The following C15orf61 variants were observed in gnomAD, a reference collection of about 807,000 sequenced individuals.
C15orf61 encodes chromosome 15 open reading frame 61.
A neutral mutation model predicts 13.7 loss-of-function variants in C15orf61; 12 were observed. That is an observed-to-expected ratio of 0.88 (90% CI 0.56 to 1.42). The LOEUF (loss-of-function observed/expected upper bound fraction) is 1.42. C15orf61 is among the 40% of genes most tolerant of loss of function. C15orf61 has a pLI of 0.00. For missense variants in C15orf61, 248 were observed against 213.2 expected (o/e 1.16, Z -1.02); for synonymous variants, 92 against 94.1 (o/e 0.98, Z 0.13).
At position 67,521,239 on chromosome 15, in the gene C15orf61, G is replaced by A. The variant is rs2084156919; in HGVS notation, c.-10G>A. ...GCGGACACCAGCCTGCGTCCCCGGC[G>A]CGGCGGGCCATGGAGGCCCTGAGGA... On this transcript the variant is annotated 5_prime_UTR_variant, in exon 1 of 2. Coordinates refer to ENST00000342683, the MANE Select transcript of C15orf61 (RefSeq NM_001143936.2). 1 of 1,225,580 alleles carries A rather than the reference G, an allele frequency of 8.2e-7. No homozygotes were observed. Among genetic ancestry groups the A allele is most frequent in the African/African-American group, 1.6e-5 (1 of 63,954 alleles). The allele number at this position is 1,225,580 out of a possible 1,614,324, so 75.9% of individuals were successfully genotyped here. A position where few individuals can be genotyped will look rare whatever the true frequency, so the allele number is the denominator to read the frequency against.
Position 67,528,615 on chromosome 15 carries a change from G to A in C15orf61, c.*2070G>A, listed in dbSNP as rs2084211584. On this transcript the variant is annotated 3_prime_UTR_variant, in exon 2 of 2. Coordinates refer to ENST00000342683, the MANE Select transcript of C15orf61 (RefSeq NM_001143936.2). ...TTCCCATTGAACAGCAATGGTTTAAGTTTTTTCTTTAAAGCTGCATATTAC... is the reference window on the plus strand; with the variant it reads ...TTCCCATTGAACAGCAATGGTTTAAATTTTTTCTTTAAAGCTGCATATTAC... The A allele has an allele frequency of 6.6e-6, 1 of 152,240 alleles. No individual in the cohort carries two copies. The highest frequency in any genetic ancestry group is 1.9e-4 in the East Asian group (1 of 5,176). The allele number at this position is 152,240 out of a possible 1,614,324, so 9.4% of individuals were successfully genotyped here. A position where few individuals can be genotyped will look rare whatever the true frequency, so the allele number is the denominator to read the frequency against.
chr15:67,523,388 C>A (rs1596528645), intron 1 of C15orf61, among the ~76,000 whole-genome samples: 1 of 152,220 alleles, frequency 6.6e-6, no homozygotes, highest in Middle Eastern at 3.4e-3. Context: ...TGTTCCTCTT[C>A]TTCCCTTCCA....
At position 67,521,248 on chromosome 15, in the gene C15orf61, C is replaced by T; in HGVS notation, c.-1C>T. 1.1e-5 allele frequency: 14 copies of T among 1,262,602 alleles called. No individual in the cohort carries two copies. The highest frequency in any genetic ancestry group is 1.4e-5 in the Non-Finnish European group (14 of 1,003,462). 78.2% of individuals were successfully genotyped at this position (1,262,602 alleles called of 1,614,324 possible). A position where few individuals can be genotyped will look rare whatever the true frequency, so the allele number is the denominator to read the frequency against. ...AGCCTGCGTCCCCGGCGCGGCGGGC[C>T]ATGGAGGCCCTGAGGAGGGCCCACG... On this transcript the variant is annotated 5_prime_UTR_variant, in exon 1 of 2. Coordinates refer to ENST00000342683, the MANE Select transcript of C15orf61 (RefSeq NM_001143936.2).
intron 1 of C15orf61, chr15:67,522,300 A>G (rs763569172): frequency 6.4e-5 from 44 of 688,646 alleles, no homozygotes; most frequent in Non-Finnish European, 9.2e-5. Flanking sequence ...GAAGGCCTCA[A>G]GATGTTTTGA....
intron 1 of C15orf61, among the ~76,000 whole-genome samples, chr15:67,524,336 G>A (rs1036759191): frequency 1.9e-4 from 28 of 151,048 alleles, no homozygotes; most frequent in African/African-American, 6.8e-4. Context: ...TCTCATTTCT[G>A]CCTAGCTTGT....
At chr15:67,522,687 T>G (rs984840949) in intron 1 of C15orf61, among the ~76,000 whole-genome samples, 9 of 152,300 alleles carry the variant, frequency 5.9e-5, no homozygotes, top group African/African-American at 1.9e-4. Flanking sequence ...GTGAGGTGAC[T>G]TAGGAAATTC....
chr15:67,521,740 C>CTTTG, intron 1 of C15orf61, 146 bp downstream of exon 1: 1 of 834,846 alleles, frequency 1.2e-6, no homozygotes, highest in Non-Finnish European at 1.8e-6. Context: ...GCCTGGGGTC[C>CTTTG]TTTGTACTCC....
Position 67,525,394 on chromosome 15 carries a change from T to C in C15orf61, c.347-1024T>C, listed in dbSNP as rs551658153. On this transcript the variant is annotated intron_variant, in intron 1 of 1. Coordinates refer to ENST00000342683, the MANE Select transcript of C15orf61 (RefSeq NM_001143936.2). The surrounding 1 kb of genome is among the most constrained non-coding windows in gnomAD (Gnocchi z 4.9). The stretch of plus-strand genomic sequence containing the variant: ...TTGTGCCAACAGTCTTATATGCATG[T>C]GAGTGCTTAATACATATCTCTGGAT... Among the ~76,000 whole-genome samples the C allele has an allele frequency of 6.6e-6, 1 of 152,322 alleles. No homozygotes were observed. The highest frequency in any genetic ancestry group is 1.9e-4 in the East Asian group (1 of 5,178).
At position 67,529,277 on chromosome 15, in the gene C15orf61, C is replaced by A. The variant is rs2084215543; in HGVS notation, c.*2732C>A. The A allele has an allele frequency of 6.6e-6, 1 of 152,262 alleles. No homozygotes were observed. The highest frequency in any genetic ancestry group is 2.4e-5 in the African/African-American group (1 of 41,552). The allele number at this position is 152,262 out of a possible 1,614,324, so 9.4% of individuals were successfully genotyped here. ...GTGAGCCACTATAAAGATGCAGTAA[C>A]CTATTTGGGAGCGTGAGAGAGGCTG... is the stretch of plus-strand genomic sequence containing the variant. On this transcript the variant is annotated 3_prime_UTR_variant, in exon 2 of 2. Coordinates refer to ENST00000342683, the MANE Select transcript of C15orf61 (RefSeq NM_001143936.2). This position sits in a 1 kb window ranked among gnomAD's most constrained non-coding sequence, Gnocchi z 4.4.
Position 67,529,796 on chromosome 15 carries a change from C to T in C15orf61, c.*3251C>T, listed in dbSNP as rs1333462842. 1.3e-5 allele frequency: 2 copies of T among 152,194 alleles called. No individual in the cohort carries two copies. Among genetic ancestry groups the T allele is most frequent in the African/African-American group, 2.4e-5 (1 of 41,436 alleles). The allele number at this position is 152,194 out of a possible 1,614,324, so 9.4% of individuals were successfully genotyped here. A position where few individuals can be genotyped will look rare whatever the true frequency, so the allele number is the denominator to read the frequency against. On this transcript the variant is annotated 3_prime_UTR_variant, in exon 2 of 2. Transcript: ENST00000342683. This position sits in a 1 kb window ranked among gnomAD's most constrained non-coding sequence, Gnocchi z 4.4. ...TCATGTCATTTATATTCACCCAAAA[C>T]TGTAAGCATAGAACATCTATAGTTC...
chr15:67,521,784 G>C (rs775439709), intron 1 of C15orf61, 190 bp downstream of exon 1: 18 of 669,588 alleles, frequency 2.7e-5, no homozygotes, highest in Non-Finnish European at 4.5e-5. Context: ...CTGAGCTCCT[G>C]GCACCCGAAG....
intron 1 of C15orf61, chr15:67,522,286 A>G: frequency 1.4e-6 from 1 of 693,822 alleles, no homozygotes; most frequent in Non-Finnish European, 2.6e-6. Flanking sequence ...GTCAGGGGAA[A>G]ACAGAAGGCC....
At position 67,529,022 on chromosome 15, in the gene C15orf61, T is replaced by G. The variant is rs546511955; in HGVS notation, c.*2477T>G. 1.9e-4 allele frequency: 29 copies of G among 152,348 alleles called. No individual in the cohort carries two copies. The highest frequency in any genetic ancestry group is 6.7e-4 in the African/African-American group (28 of 41,582). 9.4% of individuals were successfully genotyped at this position (152,348 alleles called of 1,614,324 possible). On this transcript the variant is annotated 3_prime_UTR_variant, in exon 2 of 2. Transcript: ENST00000342683. The surrounding 1 kb of genome is among the most constrained non-coding windows in gnomAD (Gnocchi z 4.4). ...GGGAGCTGAAGAGGCCCTTCTCTTC[T>G]GCATATCAGTAGTTTTCTTAATTGG...
chr15:67,526,362 A>G lies in C15orf61; in HGVS notation c.347-56A>G, dbSNP rs974111321. The stretch of plus-strand genomic sequence containing the variant: ...TTGCTGAAGAGTGTTATACGTGATC[A>G]GTAACTTGCATGATTAATAAGCATT... On this transcript the variant is annotated intron_variant, in intron 1 of 1. Coordinates refer to ENST00000342683, the MANE Select transcript of C15orf61 (RefSeq NM_001143936.2). 9 of 1,152,176 alleles carry G rather than the reference A, an allele frequency of 7.8e-6. No homozygotes were observed. In the Admixed American group the frequency reaches 2.2e-4, roughly 29 times the overall value. 71.4% of individuals were successfully genotyped at this position (1,152,176 alleles called of 1,614,324 possible).
At chr15:67,522,504 T>A (rs2084173335) in intron 1 of C15orf61, among the ~76,000 whole-genome samples, 1 of 152,250 alleles carries the variant, frequency 6.6e-6, no homozygotes, top group Non-Finnish European at 1.5e-5. Flanking sequence ...GTATTTGTGC[T>A]TATAATAACA....
intron 1 of C15orf61, among the ~76,000 whole-genome samples, chr15:67,524,510 A>G (rs1019360106): frequency 6.6e-6 from 1 of 152,160 alleles, no homozygotes; most frequent in African/African-American, 2.4e-5. Context: ...CAGGGCAAAG[A>G]AGGTGATACA....
Position 67,529,131 on chromosome 15 carries a change from G to A in C15orf61, c.*2586G>A, listed in dbSNP as rs2084214902. The A allele has an allele frequency of 6.6e-6, 1 of 152,062 alleles. No homozygotes were observed. Among genetic ancestry groups the A allele is most frequent in the Admixed American group, 6.6e-5 (1 of 15,250 alleles). The allele number at this position is 152,062 out of a possible 1,614,324, so 9.4% of individuals were successfully genotyped here. ...CAACCAAAACTGTTTTAATAAAGGT[G>A]TACTTTTAGTACAAAACCTTGCATC... is the stretch of plus-strand genomic sequence containing the variant. On this transcript the variant is annotated 3_prime_UTR_variant, in exon 2 of 2. Transcript: ENST00000342683. The surrounding 1 kb of genome is among the most constrained non-coding windows in gnomAD (Gnocchi z 4.4).
rs2084200659 is a variant in C15orf61 at position 67,526,664 on chromosome 15, CTTCT to C, written c.*122_*125del. ...TACTTTTTTCTTTCTACAGTATCTG[CTTCT>C]TTAAGATGAATCATTGCCCTCAAGA... On this transcript the variant is annotated 3_prime_UTR_variant, in exon 2 of 2. Transcript: ENST00000342683. The C allele has an allele frequency of 9.7e-7, 1 of 1,025,666 alleles. No homozygotes were observed. Among genetic ancestry groups the C allele is most frequent in the Non-Finnish European group, 1.3e-6 (1 of 756,732 alleles). The allele number at this position is 1,025,666 out of a possible 1,614,324, so 63.5% of individuals were successfully genotyped here. A position where few individuals can be genotyped will look rare whatever the true frequency, so the allele number is the denominator to read the frequency against.
At chr15:67,523,679 G>T (rs1006823102) in intron 1 of C15orf61, among the ~76,000 whole-genome samples, 1 of 152,110 alleles carries the variant, frequency 6.6e-6, no homozygotes, top group African/African-American at 2.4e-5. Flanking sequence ...TGATTTGGAG[G>T]TTCTTTTGAT....
Sources: gnomAD v4.1 joint callset for allele counts (sites outside exome capture counted in the v4.1 genomes callset) on GRCh38, gnomAD v4.1.1 for gene constraint, Gnocchi (gnomAD v3.1) non-coding constraint, MANE v1.5 for transcripts, NCBI Gene and HGNC (gene_info 2026-07-23, HGNC 2026-07-21) for gene names.